CSMD1: variants seen among roughly 807,000 people sequenced by gnomAD.
CSMD1 encodes the protein CUB and Sushi multiple domains 1, also known as CUB and sushi domain-containing protein 1.
A neutral mutation model predicts 417.5 loss-of-function variants in CSMD1; 213 were observed. The ratio of observed to expected loss-of-function variants is 0.51; its 90% CI spans 0.46 to 0.57. The LOEUF is 0.57. CSMD1 is among the 20% of genes least tolerant of loss of function. The pLI is 0.00. For missense variants in CSMD1, 6,923 were observed against 4,529.7 expected, an observed-to-expected ratio of 1.53 and a Z score of -15.17; for synonymous variants, 2,862 against 1,736.8, an observed-to-expected ratio of 1.65 and a Z score of -16.11.
At chr8:4,751,369 C>G (rs1050882395) in intron 1 of CSMD1, among the ~76,000 whole-genome samples, 6 of 150,374 alleles carry the variant, frequency 4.0e-5, no homozygotes, top group Non-Finnish European at 7.4e-5. Context: ...CCAGCCTGGA[C>G]GACAGAGCAA....
At chr8:3,132,731 C>G (rs1459261347) in intron 41 of CSMD1, among the ~76,000 whole-genome samples, 1 of 152,210 alleles carries the variant, frequency 6.6e-6, no homozygotes, top group Non-Finnish European at 1.5e-5. Context: ...AACAAGACAA[C>G]TATTCACCAT....
chr8:4,067,130 C>G (rs2114245), intron 3 of CSMD1, among the ~76,000 whole-genome samples: 74,143 of 152,066 alleles, frequency 0.49, 18,808 homozygotes, highest in East Asian at 0.79. Flanking sequence ...CACAGAGTCA[C>G]TTCATGCAAA....
intron 27 of CSMD1, among the ~76,000 whole-genome samples, chr8:3,226,244 G>T (rs1458554902): frequency 6.6e-6 from 1 of 152,126 alleles, no homozygotes; most frequent in Non-Finnish European, 1.5e-5. Flanking sequence ...GCAATTGCAG[G>T]CTATATAAGA....
At chr8:4,076,215 A>C (rs1585260283) in intron 3 of CSMD1, among the ~76,000 whole-genome samples, 1 of 152,136 alleles carries the variant, frequency 6.6e-6, no homozygotes, top group Non-Finnish European at 1.5e-5. Flanking sequence ...TGGTTTTAGA[A>C]GGGGCTTTTC....
chr8:3,961,734 A>G (rs1812339849), intron 5 of CSMD1, among the ~76,000 whole-genome samples: 1 of 152,242 alleles, frequency 6.6e-6, no homozygotes, highest in African/African-American at 2.4e-5. Context: ...TTTCCTGCGT[A>G]TGTAGTAAAG....
intron 1 of CSMD1, among the ~76,000 whole-genome samples, chr8:4,914,371 T>C (rs2117105095): frequency 6.6e-6 from 1 of 152,038 alleles, no homozygotes; most frequent in East Asian, 1.9e-4. Context: ...GGTCAGGAGA[T>C]CGAGACCATC....
At chr8:4,077,297 G>A (rs60196966) in intron 3 of CSMD1, among the ~76,000 whole-genome samples, 2,577 of 120,782 alleles carry the variant, frequency 0.021, 57 homozygotes, top group African/African-American at 0.051. Flanking sequence ...ATATATATGT[G>A]TATATATATA....
chr8:4,445,603 G>C (rs966839305), intron 2 of CSMD1, among the ~76,000 whole-genome samples: 2 of 152,292 alleles, frequency 1.3e-5, no homozygotes, highest in African/African-American at 4.8e-5. Context: ...AAAGAACTGT[G>C]TGTTCAGAGT....
At chr8:3,928,251 C>G (rs1202912516) in intron 5 of CSMD1, among the ~76,000 whole-genome samples, 1 of 152,088 alleles carries the variant, frequency 6.6e-6, no homozygotes, top group Non-Finnish European at 1.5e-5. Flanking sequence ...TTAATACAGC[C>G]TCATAATTAC....
At position 3,585,668 on chromosome 8, in the gene CSMD1, A is replaced by T. The variant is rs1434139676; in HGVS notation, c.1222+468T>A. Among the ~76,000 whole-genome samples the T allele has an allele frequency of 2.0e-5, 3 of 152,218 alleles. No individual in the cohort carries two copies. In the East Asian group the frequency reaches 5.8e-4, roughly 29 times the overall value. ...ACTCTGCTAACTATGTTAGAGATTAAAGATCATTTATTAATAAAATGATGA... is the reference window on the plus strand; with the variant it reads ...ACTCTGCTAACTATGTTAGAGATTATAGATCATTTATTAATAAAATGATGA... On this transcript the variant is annotated intron_variant, in intron 9 of 69. Coordinates refer to ENST00000635120, the MANE Select transcript of CSMD1 (RefSeq NM_033225.6).
intron 3 of CSMD1, among the ~76,000 whole-genome samples, chr8:4,396,056 G>A (rs989103749): frequency 6.6e-6 from 1 of 152,082 alleles, no homozygotes; most frequent in Non-Finnish European, 1.5e-5. Flanking sequence ...TATAATGTTG[G>A]CATGCATCAC....
intron 1 of CSMD1, among the ~76,000 whole-genome samples, chr8:4,840,048 T>C (rs1382423893): frequency 7.3e-6 from 1 of 137,216 alleles, no homozygotes; most frequent in Non-Finnish European, 1.6e-5. Context: ...TTCACAGCTA[T>C]GGCTTTCCTC....
chr8:4,687,671 G>A (rs1806478862), intron 1 of CSMD1, among the ~76,000 whole-genome samples: 3 of 152,166 alleles, frequency 2.0e-5, no homozygotes, highest in African/African-American at 4.8e-5. Flanking sequence ...AAAATGAGCT[G>A]CCGCTGTTTT....
intron 28 of CSMD1, among the ~76,000 whole-genome samples, chr8:3,222,706 A>T (rs551144285): frequency 6.6e-6 from 1 of 152,270 alleles, no homozygotes; most frequent in South Asian, 2.1e-4. Flanking sequence ...ACCCACATAG[A>T]TATCTAAAAA....
At chr8:4,070,503 G>T (rs553070481) in intron 3 of CSMD1, among the ~76,000 whole-genome samples, 1 of 151,954 alleles carries the variant, frequency 6.6e-6, no homozygotes, top group African/African-American at 2.4e-5. Context: ...GACTACAGGC[G>T]CCCGCCACCA....
At chr8:3,698,829 C>T (rs183135374) in intron 7 of CSMD1, among the ~76,000 whole-genome samples, 74 of 152,270 alleles carry the variant, frequency 4.9e-4, no homozygotes, top group Non-Finnish European at 7.4e-4. Flanking sequence ...TGAAAATGTC[C>T]GTGGGAAAAT....
At chr8:3,813,724 G>T (rs889073229) in intron 5 of CSMD1, among the ~76,000 whole-genome samples, 4 of 152,094 alleles carry the variant, frequency 2.6e-5, no homozygotes, top group African/African-American at 7.2e-5. Flanking sequence ...TATACCAAAT[G>T]GTCCATGGTC....
chr8:4,814,941 G>A (rs990114638), intron 1 of CSMD1, among the ~76,000 whole-genome samples: 2 of 152,072 alleles, frequency 1.3e-5, no homozygotes, highest in Non-Finnish European at 2.9e-5. Flanking sequence ...TTTGCATTAT[G>A]ACTGTTTATT....
chr8:4,545,957 C>A (rs1797611628), intron 2 of CSMD1, among the ~76,000 whole-genome samples: 1 of 152,158 alleles, frequency 6.6e-6, no homozygotes, highest in Non-Finnish European at 1.5e-5. Flanking sequence ...GAAACTTTCT[C>A]CCATGTCGCC....
Sources: gnomAD v4.1 joint callset for allele counts (sites outside exome capture counted in the v4.1 genomes callset) on GRCh38, gnomAD v4.1.1 for gene constraint, MANE v1.5 for transcripts, NCBI Gene and HGNC (gene_info 2026-07-23, HGNC 2026-07-21) for gene names.